Variants in VAV3 observed in about 807,000 individuals in gnomAD.
The protein encoded by VAV3 is vav guanine nucleotide exchange factor 3, also known as guanine nucleotide exchange factor VAV3.
A neutral mutation model predicts 131.2 loss-of-function variants in VAV3; 94 were observed. That is an observed-to-expected ratio of 0.72 (90% confidence interval 0.61 to 0.85). VAV3 has a LOEUF of 0.85. Among genes scored for constraint, VAV3 ranks in the 40% least tolerant of loss-of-function variants. The pLI is 0.00. For missense variants in VAV3, 939 were observed against 1,002.7 expected, an observed-to-expected ratio of 0.94 and a Z score of 0.86; for synonymous variants, 349 against 342.0, an observed-to-expected ratio of 1.02 and a Z score of -0.22.
chr1:107,743,090 A>T (rs901937708), intron 15 of VAV3, among the ~76,000 whole-genome samples: 1 of 152,178 alleles, frequency 6.6e-6, no homozygotes, highest in Admixed American at 6.5e-5. Context: ...AAAAGAAACA[A>T]GCACAGGGAA....
intron 21 of VAV3, among the ~76,000 whole-genome samples, chr1:107,612,268 C>T (rs1557702966): frequency 6.6e-6 from 1 of 151,718 alleles, no homozygotes; most frequent in Admixed American, 6.6e-5. Context: ...AGATGGCACA[C>T]TTAGAAGTGA....
chr1:107,603,015 T>G (rs762431109), intron 23 of VAV3, 32 bp downstream of exon 23: 6 of 1,553,236 alleles, frequency 3.9e-6, no homozygotes, highest in Non-Finnish European at 5.3e-6. Context: ...AAACAGGAAA[T>G]CTATTTCTGT....
chr1:107,841,577 A>G (rs781496295), intron 2 of VAV3, among the ~76,000 whole-genome samples: 18 of 152,238 alleles, frequency 1.2e-4, no homozygotes, highest in Non-Finnish European at 2.5e-4. Flanking sequence ...TAAAATAGGT[A>G]TCATTAACAT....
chr1:107,959,574 A>G (rs1002196194), intron 1 of VAV3, among the ~76,000 whole-genome samples: 1 of 151,830 alleles, frequency 6.6e-6, no homozygotes, highest in African/African-American at 2.4e-5. Flanking sequence ...TTTCCCTCCT[A>G]CCTCATGGCC....
intron 2 of VAV3, among the ~76,000 whole-genome samples, chr1:107,871,306 C>G (rs1670241106): frequency 6.6e-6 from 1 of 151,878 alleles, no homozygotes; most frequent in Admixed American, 6.6e-5. Flanking sequence ...TTTTTCAAAA[C>G]ATAAACCCTC....
At chr1:107,637,948 A>G (rs1380563465) in intron 20 of VAV3, among the ~76,000 whole-genome samples, 2 of 152,238 alleles carry the variant, frequency 1.3e-5, no homozygotes, top group Middle Eastern at 3.2e-3. Context: ...CGCATTAATA[A>G]AAACAAAAAT....
intron 2 of VAV3, among the ~76,000 whole-genome samples, chr1:107,841,118 T>C (rs1256890876): frequency 6.6e-6 from 1 of 152,148 alleles, no homozygotes; most frequent in Non-Finnish European, 1.5e-5. Context: ...AGTTCCATTA[T>C]ATACACCAAT....
rs1317604967 is a variant in VAV3 at position 107,915,361 on chromosome 1, C to T, written c.205-40344G>A. 2.6e-5 allele frequency among the ~76,000 whole-genome samples: 4 copies of T among 152,088 alleles called. No individual in the cohort carries two copies. In the East Asian group the frequency reaches 7.7e-4, roughly 29 times the overall value. ...TAATGCAAACCCAAAAACACATGAG[C>T]CAAGAGAAACAAATTTAATTTCTGA... On this transcript the variant is annotated intron_variant, in intron 1 of 26. Coordinates refer to ENST00000370056, the MANE Select transcript of VAV3 (RefSeq NM_006113.5).
rs375711579 is a variant in VAV3 at position 107,722,245 on chromosome 1, C to A, written c.1503-17184G>T. Among the ~76,000 whole-genome samples the A allele has an allele frequency of 5.3e-5, 8 of 152,272 alleles. No homozygotes were observed. In the East Asian group the frequency reaches 1.4e-3, roughly 26 times the overall value. ...CTGCTGAATGTTGGGTTTTCTTCCC[C>A]ACTCAAAACTAATTACATTAGAGAA... On this transcript the variant is annotated intron_variant, in intron 15 of 26. Transcript: ENST00000370056.
At chr1:107,644,224 C>G (rs1041172223) in intron 19 of VAV3, among the ~76,000 whole-genome samples, 14 of 152,094 alleles carry the variant, frequency 9.2e-5, no homozygotes, top group Non-Finnish European at 1.0e-4. Context: ...TAAGTTGCTA[C>G]TGCTAATTTA....
intron 1 of VAV3, among the ~76,000 whole-genome samples, chr1:107,901,032 T>A (rs7414123): frequency 6.6e-6 from 1 of 152,218 alleles, no homozygotes; most frequent in Non-Finnish European, 1.5e-5. Flanking sequence ...CAATAAGATA[T>A]GCCAGACTGT....
intron 2 of VAV3, among the ~76,000 whole-genome samples, chr1:107,809,346 T>C (rs6657591): frequency 0.033 from 5,089 of 152,242 alleles, 182 homozygotes; most frequent in African/African-American, 0.09. Flanking sequence ...ATATTTAACA[T>C]GTTCAACAAG....
chr1:107,767,993 G>C (rs1387950258), intron 7 of VAV3, among the ~76,000 whole-genome samples: 1 of 152,190 alleles, frequency 6.6e-6, no homozygotes, highest in Admixed American at 6.5e-5. Flanking sequence ...GATACAACTG[G>C]AAGTAGAAAG....
At chr1:107,957,052 G>A (rs1250460501) in intron 1 of VAV3, among the ~76,000 whole-genome samples, 1 of 152,168 alleles carries the variant, frequency 6.6e-6, no homozygotes, top group Non-Finnish European at 1.5e-5. Flanking sequence ...TATTAAGAGA[G>A]TGGGATGCAT....
At chr1:107,694,299 G>C (rs1166648837) in intron 17 of VAV3, among the ~76,000 whole-genome samples, 1 of 152,150 alleles carries the variant, frequency 6.6e-6, no homozygotes, top group Non-Finnish European at 1.5e-5. Flanking sequence ...TCGGAGAAAA[G>C]GGAGCATGTT....
chr1:107,595,048 A>G (rs113849830), intron 25 of VAV3, among the ~76,000 whole-genome samples: 1 of 152,138 alleles, frequency 6.6e-6, no homozygotes, highest in African/African-American at 2.4e-5. Flanking sequence ...GAAAACTTCC[A>G]TTTTTGAATG....
intron 25 of VAV3, chr1:107,578,647 T>A: frequency 3.5e-6 from 1 of 281,980 alleles, no homozygotes; most frequent in Non-Finnish European, 5.3e-6. Context: ...TTCGCTCTGT[T>A]GCCCAGTTTG....
At chr1:107,593,937 T>G (rs1377911722) in intron 25 of VAV3, among the ~76,000 whole-genome samples, 1 of 152,106 alleles carries the variant, frequency 6.6e-6, no homozygotes, top group Non-Finnish European at 1.5e-5. Context: ...CTGTTTACCA[T>G]GTAAGAGCAC....
intron 20 of VAV3, among the ~76,000 whole-genome samples, chr1:107,622,603 G>T (rs1653691232): frequency 6.6e-6 from 1 of 152,162 alleles, no homozygotes; most frequent in Non-Finnish European, 1.5e-5. Flanking sequence ...GATGTGGAAA[G>T]CTGAATGTAA....
Sources: gnomAD v4.1 joint callset for allele counts (sites outside exome capture counted in the v4.1 genomes callset) on GRCh38, gnomAD v4.1.1 for gene constraint, MANE v1.5 for transcripts, NCBI Gene and HGNC (gene_info 2026-07-23, HGNC 2026-07-21) for gene names.